The following CES4A variants were observed in gnomAD, a reference collection of about 807,000 sequenced individuals.
CES4A encodes the protein carboxylesterase 6.
In CES4A, 48 loss-of-function variants were observed where a neutral mutation model predicts 65.4. The ratio of observed to expected loss-of-function variants is 0.73; its 90% CI spans 0.58 to 0.93. CES4A has a LOEUF of 0.93. Among genes scored for constraint, CES4A ranks in the 40% least tolerant of loss-of-function variants. The pLI, the probability that CES4A is intolerant of heterozygous loss-of-function variation, is 0.00. For synonymous variants in CES4A, 247 were observed against 281.8 expected, an observed-to-expected ratio of 0.88 and a Z score of 1.24; for missense variants, 685 against 728.5, an observed-to-expected ratio of 0.94 and a Z score of 0.69.
At position 67,000,272 on chromosome 16, in the gene CES4A, G is replaced by T. The variant is rs961115818; in HGVS notation, c.261-366G>T. ...TCTCCCCAGAGATGGGGATGGAGGG[G>T]AGGGACCATATTCCAGAGCTGTTTG... On this transcript the variant is annotated intron_variant, in intron 2 of 13. Coordinates refer to ENST00000648724, the Ensembl canonical transcript of CES4A. This position sits in a 1 kb window ranked among gnomAD's most constrained non-coding sequence, Gnocchi z 4.2. 1.3e-5 allele frequency among the ~76,000 whole-genome samples: 2 copies of T among 152,158 alleles called. No individual in the cohort carries two copies. Among genetic ancestry groups the T allele is most frequent in the Non-Finnish European group, 2.9e-5 (2 of 68,018 alleles).
At position 67,001,183 on chromosome 16, in the gene CES4A, G is replaced by A. The variant is rs1259643657; in HGVS notation, c.537-125G>A. ...GGGCGAGCTAACTCCAAGGAAGGGG[G>A]TGTGGTCGCAGGACTGGGTCTTAGA... On this transcript the variant is annotated intron_variant, in intron 4 of 13. Transcript: ENST00000648724. This position sits in a 1 kb window ranked among gnomAD's most constrained non-coding sequence, Gnocchi z 4.1. 2 of 1,373,044 alleles carry A rather than the reference G, an allele frequency of 1.5e-6. No individual in the cohort carries two copies. The highest frequency in any genetic ancestry group is 1.4e-5 in the South Asian group (1 of 69,918). The allele number at this position is 1,373,044 out of a possible 1,614,324, so 85.1% of individuals were successfully genotyped here.
chr16:67,008,887 A>G, intron 13 of CES4A, 87 bp from the exon 14 acceptor site: 1 of 1,394,452 alleles, frequency 7.2e-7, no homozygotes, highest in Non-Finnish European at 9.8e-7. Context: ...CCCAAGTCCC[A>G]AGGGCAAATT....
intron 1 of CES4A, among the ~76,000 whole-genome samples, chr16:66,993,835 C>G (rs924233109): frequency 3.0e-4 from 45 of 152,112 alleles, no homozygotes; most frequent in African/African-American, 1.1e-3. Flanking sequence ...GGCGCGGTGG[C>G]TCATGCCTGT....
At chr16:66,995,744 C>T in exon 2 of CES4A, 1 of 1,614,242 alleles carries the variant, frequency 6.2e-7, no homozygotes, top group East Asian at 2.2e-5. Context: ...CTTCTCCAGA[C>T]CTCCTCTAGG....
chr16:67,002,865 C>T (rs1265454526), intron 5 of CES4A, among the ~76,000 whole-genome samples: 2 of 152,104 alleles, frequency 1.3e-5, no homozygotes, highest in Non-Finnish European at 2.9e-5. Flanking sequence ...CTCTGGAACC[C>T]ACTGGGGCCC....
At position 67,000,143 on chromosome 16, in the gene CES4A, T is replaced by C. The variant is rs1050635244; in HGVS notation, c.261-495T>C. ...ATAGTTGTACATATTAGGGAAGATA[T>C]GAAGAAGAGGAGTGACATAGTCCGC... is the stretch of plus-strand genomic sequence containing the variant. On this transcript the variant is annotated intron_variant, in intron 2 of 13. Transcript: ENST00000648724. This position sits in a 1 kb window ranked among gnomAD's most constrained non-coding sequence, Gnocchi z 4.2. Among the ~76,000 whole-genome samples the C allele has an allele frequency of 6.6e-6, 1 of 152,102 alleles. No homozygotes were observed. Among genetic ancestry groups the C allele is most frequent in the African/African-American group, 2.4e-5 (1 of 41,418 alleles).
At chr16:66,992,682 T>TTTTG (rs1265407953) in intron 1 of CES4A, among the ~76,000 whole-genome samples, 1 of 152,074 alleles carries the variant, frequency 6.6e-6, no homozygotes, top group African/African-American at 2.4e-5. Context: ...TTTTTTGGTT[T>TTTTG]TTTGTTTGTT....
rs758355775 is a variant in CES4A at position 66,996,107 on chromosome 16, G to A, written c.260+278G>A. 1.8e-4 allele frequency: 94 copies of A among 536,762 alleles called. 2 individuals carry two copies. Among genetic ancestry groups the A allele is most frequent in the South Asian group, 1.1e-3 (67 of 63,462 alleles). The allele number at this position is 536,762 out of a possible 1,614,324, so 33.2% of individuals were successfully genotyped here. The stretch of plus-strand genomic sequence containing the variant: ...GGCTGGAGTGCAGTGGCACGATCTC[G>A]GCTCACTGCAACCTCCGCCTCCCGG... On this transcript the variant is annotated intron_variant, in intron 2 of 13. Coordinates refer to ENST00000648724, the Ensembl canonical transcript of CES4A.
intron 13 of CES4A, 71 bp downstream of exon 13, chr16:67,006,888 C>A (rs749950282): frequency 5.6e-6 from 8 of 1,439,068 alleles, no homozygotes; most frequent in African/African-American, 1.4e-5. Context: ...CCAGCTGCTT[C>A]GGATATTTGC....
chr16:67,006,297 T>C (rs1965752731), intron 11 of CES4A, 94 bp from the exon 12 acceptor site: 11 of 1,377,002 alleles, frequency 8.0e-6, no homozygotes, highest in Non-Finnish European at 2.0e-6. Flanking sequence ...AAGCTCTTTT[T>C]CCTGCTTGGT....
Position 66,989,684 on chromosome 16 carries a change from C to T in CES4A, c.58+854C>T, listed in dbSNP as rs909921227. On this transcript the variant is annotated intron_variant, in intron 1 of 13. Transcript: ENST00000648724. Reference sequence around the variant, plus strand: ...ACCAGCCTAACCAATATTATTACCCCGTCTCTACTAAAAATACAAAACTAG... The same window carrying T: ...ACCAGCCTAACCAATATTATTACCCTGTCTCTACTAAAAATACAAAACTAG... 2.0e-5 allele frequency among the ~76,000 whole-genome samples: 3 copies of T among 152,090 alleles called. No individual in the cohort carries two copies. The East Asian group carries it at 5.8e-4, about 29-fold the overall frequency.
intron 2 of CES4A, among the ~76,000 whole-genome samples, chr16:66,998,410 T>C (rs1267096100): frequency 4.6e-5 from 7 of 152,094 alleles, no homozygotes; most frequent in Non-Finnish European, 1.0e-4. Flanking sequence ...GGCAACATAG[T>C]GAGACCCTGT....
At position 67,000,913 on chromosome 16, in the gene CES4A, G is replaced by C. The variant is rs1281236217; in HGVS notation, c.459G>C (p.Glu153Asp). Residue 153 changes from glutamate to aspartate, a missense_variant, in exon 4 of 14, where the codon GAG becomes GAC. Transcript: ENST00000648724. This position sits in a 1 kb window ranked among gnomAD's most constrained non-coding sequence, Gnocchi z 4.2. ...TCGTGGGCGCTGCTTCTTCGTACGAGGGCTCTGACTTGGCCGCCCGCGAGA... is the reference window on the plus strand; with the variant it reads ...TCGTGGGCGCTGCTTCTTCGTACGACGGCTCTGACTTGGCCGCCCGCGAGA... 6.2e-7 allele frequency: 1 copy of C among 1,612,816 alleles called. No individual in the cohort carries two copies. Among genetic ancestry groups the C allele is most frequent in the East Asian group, 2.2e-5 (1 of 44,830 alleles).
At chr16:66,991,106 C>G (rs1188079934) in intron 1 of CES4A, among the ~76,000 whole-genome samples, 1 of 152,120 alleles carries the variant, frequency 6.6e-6, no homozygotes, top group East Asian at 1.9e-4. Flanking sequence ...CTCACTGCAA[C>G]CTCCACCTCC....
At position 67,001,450 on chromosome 16, in the gene CES4A, A is replaced by G. The variant is rs1162435667; in HGVS notation, c.679A>G (p.Ile227Val). Reference sequence around the variant, plus strand: ...CGGCCAGTCGGCGGGGGCCATGAGCATCTCAGGACTGGTGAGAGCAATGCC... The same window carrying G: ...CGGCCAGTCGGCGGGGGCCATGAGCGTCTCAGGACTGGTGAGAGCAATGCC... The change falls in exon 5 of 14, where the codon ATC (isoleucine) becomes GTC (valine). Residue 227 changes from isoleucine to valine, a missense_variant. Ile to Val is a conservative substitution (Grantham distance 29, BLOSUM62 3). Coordinates refer to ENST00000648724, the Ensembl canonical transcript of CES4A. The surrounding 1 kb of genome is among the most constrained non-coding windows in gnomAD (Gnocchi z 4.1). 6.2e-7 allele frequency: 1 copy of G among 1,606,934 alleles called. No homozygotes were observed. The highest frequency in any genetic ancestry group is 8.5e-7 in the Non-Finnish European group (1 of 1,176,556).
chr16:67,005,566 G>T (rs1343915360), intron 11 of CES4A, 173 bp downstream of exon 11: 4 of 637,228 alleles, frequency 6.3e-6, no homozygotes, highest in Non-Finnish European at 1.0e-5. Flanking sequence ...AGAGGAAGGG[G>T]CCAGGCACGG....
chr16:66,995,626 A>T lies in CES4A; in HGVS notation c.59-2A>T. 3 of 1,613,774 alleles carry T rather than the reference A, an allele frequency of 1.9e-6. No individual in the cohort carries two copies. Among genetic ancestry groups the T allele is most frequent in the Non-Finnish European group, 2.5e-6 (3 of 1,179,706 alleles). On this transcript the variant is annotated splice_acceptor_variant, in intron 1 of 13. Transcript: ENST00000648724. LOFTEE classifies it high-confidence loss of function. ...GGTGACCCTTTTCCCTTCTCTTCCCAGGTGCCTTGCACACCAAGAGGCCTC... is the reference window on the plus strand; with the variant it reads ...GGTGACCCTTTTCCCTTCTCTTCCCTGGTGCCTTGCACACCAAGAGGCCTC...
chr16:66,990,803 C>G (rs112825214), intron 1 of CES4A, among the ~76,000 whole-genome samples: 23 of 151,618 alleles, frequency 1.5e-4, no homozygotes, highest in African/African-American at 5.1e-4. Flanking sequence ...TAAGTTATTA[C>G]CAAAAGCAGT....
chr16:67,005,285 G>T (rs1965664506), exon 11 of CES4A: 5 of 1,614,042 alleles, frequency 3.1e-6, no homozygotes, highest in Non-Finnish European at 4.2e-6. Context: ...GGAGTACCTG[G>T]ACAATGTCAA....
Sources: gnomAD v4.1 joint callset for allele counts (sites outside exome capture counted in the v4.1 genomes callset) on GRCh38, gnomAD v4.1.1 for gene constraint, Gnocchi (gnomAD v3.1) non-coding constraint, MANE v1.5 for transcripts, NCBI Gene and HGNC (gene_info 2026-07-23, HGNC 2026-07-21) for gene names.